The following HORMAD2 variants were observed in gnomAD, a reference collection of about 807,000 sequenced individuals.
HORMAD2 encodes HORMA domain containing 2.
In HORMAD2, 45 loss-of-function variants were observed where a neutral mutation model predicts 38.8. The ratio of observed to expected loss-of-function variants is 1.16; its 90% confidence interval spans 0.91 to 1.49. The LOEUF is 1.49. HORMAD2 is among the 40% of genes most tolerant of loss of function. The probability of loss-of-function intolerance (pLI) is 0.00; values close to 1 mark genes in which losing one functional copy is unlikely to be tolerated. For missense variants in HORMAD2, 338 were observed against 367.0 expected (o/e 0.92, Z 0.65); for synonymous variants, 126 against 122.8 (o/e 1.03, Z -0.17).
At chr22:30,186,484 C>T in the HORMAD2 span, among the ~76,000 whole-genome samples, 1 of 151,600 alleles carries the variant, frequency 6.6e-6, no homozygotes. Context: ...TGCAAGACAA[C>T]ATAAAGTGTT....
At chr22:30,132,782 A>G (rs959713629) in intron 10 of HORMAD2, among the ~76,000 whole-genome samples, 27 of 152,202 alleles carry the variant, frequency 1.8e-4, no homozygotes, top group African/African-American at 6.0e-4. Context: ...GAATCATTCT[A>G]TAACATCAGA....
At chr22:30,086,282 A>C (rs375338931) in intron 1 of HORMAD2, among the ~76,000 whole-genome samples, 2 of 151,854 alleles carry the variant, frequency 1.3e-5, no homozygotes, top group African/African-American at 4.8e-5. Flanking sequence ...AGTCATTTAA[A>C]CCCCTTTCTT....
the HORMAD2 span, among the ~76,000 whole-genome samples, chr22:30,201,412 C>CT: frequency 0.023 from 2,765 of 120,946 alleles, 80 homozygotes; most frequent in African/African-American, 0.026. Flanking sequence ...AGAGTTAAGA[C>CT]TTTTTTTTTT....
At chr22:30,150,191 G>A (rs1924661354) in intron 10 of HORMAD2, among the ~76,000 whole-genome samples, 1 of 151,906 alleles carries the variant, frequency 6.6e-6, no homozygotes, top group Non-Finnish European at 1.5e-5. Context: ...CCCTGTTCAG[G>A]TATTCGATTT....
chr22:30,157,322 A>G lies in HORMAD2; in HGVS notation c.820-18741A>G, dbSNP rs149544401. On this transcript the variant is annotated intron_variant, in intron 10 of 10. Transcript: ENST00000336726. ...GTCTCACATTGTGGACTAAGCCTAAATATTAATACTACTTTATATTTATGT... is the reference window on the plus strand; with the variant it reads ...GTCTCACATTGTGGACTAAGCCTAAGTATTAATACTACTTTATATTTATGT... Among the ~76,000 whole-genome samples the G allele has an allele frequency of 2.0e-5, 3 of 152,358 alleles. No homozygotes were observed. In the East Asian group the frequency reaches 5.8e-4, roughly 29 times the overall value.
the HORMAD2 span, among the ~76,000 whole-genome samples, chr22:30,191,755 C>T: frequency 5.3e-5 from 8 of 152,306 alleles, no homozygotes; most frequent in East Asian, 3.9e-4. Context: ...ATCTGAAAGG[C>T]GAGTAAACAC....
In HORMAD2 at chr22:30,121,801, A is replaced by G. The variant is rs1811686894; in HGVS notation, c.568+12A>G. On this transcript the variant is annotated intron_variant, in intron 9 of 10. Coordinates refer to ENST00000336726, the MANE Select transcript of HORMAD2 (RefSeq NM_152510.4). ...CTACTATAATGCAGGTAGGTAGAGAACTTTAGGCAAATTCCTCCTTAAGTG... is the reference window on the plus strand; with the variant it reads ...CTACTATAATGCAGGTAGGTAGAGAGCTTTAGGCAAATTCCTCCTTAAGTG... The G allele has an allele frequency of 6.3e-7, 1 of 1,597,642 alleles. No homozygotes were observed. The highest frequency in any genetic ancestry group is 1.8e-5 in the Admixed American group (1 of 55,832).
intron 3 of HORMAD2, among the ~76,000 whole-genome samples, chr22:30,101,840 G>A (rs1920948222): frequency 6.6e-6 from 1 of 152,146 alleles, no homozygotes; most frequent in Admixed American, 6.5e-5. Context: ...GGCAAGGTGG[G>A]CAGACTGCTT....
downstream of HORMAD2, among the ~76,000 whole-genome samples, chr22:30,179,899 A>G (rs62226394): frequency 1.3e-5 from 2 of 151,838 alleles, no homozygotes; most frequent in East Asian, 3.9e-4. Flanking sequence ...CTTTTATTTT[A>G]TTTTATTTTG....
chr22:30,155,076 TA>T (rs76739346), intron 10 of HORMAD2, among the ~76,000 whole-genome samples: 11,782 of 137,862 alleles, frequency 0.085, 507 homozygotes, highest in African/African-American at 0.098. Flanking sequence ...TTGCTTTTTT[TA>T]AAAAAAAAAA....
At position 30,111,797 on chromosome 22, in the gene HORMAD2, T is replaced by TA; in HGVS notation, c.297dup (p.Arg100ThrfsTer15). 1 of 1,562,928 alleles carries TA rather than the reference T, an allele frequency of 6.4e-7. No individual in the cohort carries two copies. Among genetic ancestry groups the TA allele is most frequent in the South Asian group, 1.2e-5 (1 of 83,512 alleles). ...AGTTTTTTTTTCTTTCTCTTGAAGC[T>TA]ACGTATGGCAGTACTGACAGTAAGT... is the stretch of plus-strand genomic sequence containing the variant. On this transcript the variant is annotated frameshift_variant and splice_region_variant, in exon 6 of 11. Transcript: ENST00000336726. LOFTEE classifies it high-confidence loss of function.
chr22:30,114,938 A>G (rs1921932347), intron 7 of HORMAD2, among the ~76,000 whole-genome samples: 1 of 152,222 alleles, frequency 6.6e-6, no homozygotes, highest in Non-Finnish European at 1.5e-5. Context: ...TTTCTATAGG[A>G]ACACACTACA....
At chr22:30,161,407 T>C (rs1165246897) in intron 10 of HORMAD2, among the ~76,000 whole-genome samples, 2 of 152,222 alleles carry the variant, frequency 1.3e-5, no homozygotes, top group African/African-American at 4.8e-5. Context: ...TATCTGTTCA[T>C]CTCTTTTTTG....
downstream of HORMAD2, among the ~76,000 whole-genome samples, chr22:30,178,040 G>A (rs1926556004): frequency 1.3e-5 from 2 of 152,132 alleles, no homozygotes; most frequent in African/African-American, 4.8e-5. Context: ...GGGCTACCTT[G>A]TGAGTTAGTG....
At chr22:30,101,976 GA>G (rs1920949528) in intron 3 of HORMAD2, among the ~76,000 whole-genome samples, 11 of 152,106 alleles carry the variant, frequency 7.2e-5, no homozygotes, top group African/African-American at 2.7e-4. Flanking sequence ...GCTGAGGTGG[GA>G]GGATCATCTG....
chr22:30,174,008 T>C (rs919162155), intron 10 of HORMAD2, among the ~76,000 whole-genome samples: 1 of 152,152 alleles, frequency 6.6e-6, no homozygotes, highest in Non-Finnish European at 1.5e-5. Context: ...AAACCAAAGA[T>C]GGAAAGTAGG....
At chr22:30,136,848 G>T (rs189268416) in intron 10 of HORMAD2, 2 of 345,228 alleles carry the variant, frequency 5.8e-6, no homozygotes, top group Non-Finnish European at 1.1e-5. Context: ...ACCATGGAGA[G>T]GATAAACAGA....
intron 3 of HORMAD2, among the ~76,000 whole-genome samples, chr22:30,100,406 C>T (rs1212209395): frequency 6.6e-6 from 1 of 152,184 alleles, no homozygotes; most frequent in Non-Finnish European, 1.5e-5. Flanking sequence ...AACTGGACCC[C>T]TTCCTTACAC....
the HORMAD2 span, among the ~76,000 whole-genome samples, chr22:30,202,022 GATTTTGGCTCAATATA>G: frequency 1.3e-5 from 2 of 152,164 alleles, no homozygotes; most frequent in Non-Finnish European, 2.9e-5. Flanking sequence ...GAGGGAAGTA[GATTTTGGCTCAATATA>G]ATTTTGGCTC....
Sources: gnomAD v4.1 joint callset for allele counts (sites outside exome capture counted in the v4.1 genomes callset) on GRCh38, gnomAD v4.1.1 for gene constraint, MANE v1.5 for transcripts, NCBI Gene and HGNC (gene_info 2026-07-23, HGNC 2026-07-21) for gene names.